GRM5: variants seen among roughly 807,000 people sequenced by gnomAD.
GRM5 encodes the protein metabotropic glutamate receptor 5.
GRM5 carries 19 observed loss-of-function variants against 83.1 expected under a neutral mutation model. The observed-to-expected ratio is 0.23, with a 90% CI of 0.16 to 0.34. The LOEUF (loss-of-function observed/expected upper bound fraction) is 0.34, where lower values mean the gene tolerates loss of function less well. Among genes scored for constraint, GRM5 ranks in the 10% least tolerant of loss-of-function variants. The probability of loss-of-function intolerance (pLI) is 1.00; values close to 1 mark genes in which losing one functional copy is unlikely to be tolerated. For missense variants in GRM5, 1,160 were observed against 1,588.3 expected, an observed-to-expected ratio of 0.73 and a Z score of 4.58; for synonymous variants, 675 against 633.6, an observed-to-expected ratio of 1.07 and a Z score of -0.98.
chr11:88,984,579 C>A (rs1191972227), intron 2 of GRM5: 2 of 449,736 alleles, frequency 4.4e-6, no homozygotes, highest in South Asian at 6.2e-5. Context: ...TTAGCAATAT[C>A]TTTATTATCT....
In GRM5 at chr11:88,509,127, G is replaced by T; in HGVS notation, c.3104C>A (p.Thr1035Lys). 6.5e-7 allele frequency: 1 copy of T among 1,543,448 alleles called. No homozygotes were observed. The highest frequency in any genetic ancestry group is 1.2e-5 in the South Asian group (1 of 83,796). The change falls in exon 10 of 10, where the codon ACG (threonine) becomes AAG (lysine). Residue 1035 changes from threonine to lysine, a missense_variant. Thr to Lys is a moderately conservative substitution (Grantham distance 78). Transcript: ENST00000305447. ...GTGCAGCGACGGCACATCGTCGTCC[G>T]TGCGGCTGGCCGAGCCCGCGCGGTG... is the stretch of plus-strand genomic sequence containing the variant. Reference protein sequence around the residue: ...LSHRAGSASRTDDDVPSLHSE... With the variant: ...LSHRAGSASRKDDDVPSLHSE...
chr11:88,881,975 C>T (rs1208473323), intron 2 of GRM5, among the ~76,000 whole-genome samples: 2 of 152,114 alleles, frequency 1.3e-5, no homozygotes, highest in Non-Finnish European at 2.9e-5. Context: ...GGCACGTTGG[C>T]TCACACCTGT....
At chr11:89,036,184 G>A (rs1294118881) in intron 2 of GRM5, among the ~76,000 whole-genome samples, 1 of 152,034 alleles carries the variant, frequency 6.6e-6, no homozygotes, top group African/African-American at 2.4e-5. Context: ...TCCAGGCCTT[G>A]CTCATCTTAC....
intron 5 of GRM5, among the ~76,000 whole-genome samples, chr11:88,598,691 T>C (rs1937889551): frequency 6.6e-6 from 1 of 152,188 alleles, no homozygotes; most frequent in South Asian, 2.1e-4. Context: ...TGTCATTGGC[T>C]ACTTCAAATA....
intron 8 of GRM5, among the ~76,000 whole-genome samples, chr11:88,562,010 T>C (rs894797824): frequency 2.0e-5 from 3 of 152,150 alleles, no homozygotes; most frequent in Non-Finnish European, 2.9e-5. Context: ...AGATATGAAC[T>C]ACTCTTCAGG....
At position 88,567,059 on chromosome 11, in the gene GRM5, G is replaced by A. The variant is rs776395140; in HGVS notation, c.2624C>T (p.Thr875Ile). Residue 875 changes from threonine (T) to isoleucine (I), a missense_variant, in exon 8 of 10, where the codon ACC (threonine) becomes ATC (isoleucine). Physicochemically the swap from Thr to Ile is moderately conservative, Grantham distance 89 (BLOSUM62 -1). This residue lies in a region of GRM5 where 562 missense variants were observed against 532.4 expected (regional missense o/e 1.06). Coordinates refer to ENST00000305447, the MANE Select transcript of GRM5 (RefSeq NM_001143831.3). The surrounding 1 kb of genome is among the most constrained non-coding windows in gnomAD (Gnocchi z 7.3). ...AAGCCCCCACAACTTTTACCTTAAG[G>A]TTTCCCCAGAGGAGCCCCTTCTCTT... is the stretch of plus-strand genomic sequence containing the variant. The part of the protein sequence containing the change: ...LWKRRGSSGE[T>I]LRYKDRRLAQ... 6.9e-6 allele frequency: 11 copies of A among 1,602,678 alleles called. No individual in the cohort carries two copies. Among genetic ancestry groups the A allele is most frequent in the Non-Finnish European group, 9.4e-6 (11 of 1,172,532 alleles).
intron 3 of GRM5, among the ~76,000 whole-genome samples, chr11:88,724,989 A>C (rs909302256): frequency 6.6e-6 from 1 of 152,138 alleles, no homozygotes; most frequent in African/African-American, 2.4e-5. Flanking sequence ...TTGGGCAGAC[A>C]GTGAGCTAGC....
chr11:88,717,777 C>T (rs139000648), intron 3 of GRM5, among the ~76,000 whole-genome samples: 2,082 of 151,792 alleles, frequency 0.014, 69 homozygotes, highest in Admixed American at 0.078. Flanking sequence ...TACATTGAAA[C>T]ATTCACATTT....
intron 3 of GRM5, among the ~76,000 whole-genome samples, chr11:88,692,214 T>C (rs926925766): frequency 6.6e-6 from 1 of 152,196 alleles, no homozygotes; most frequent in East Asian, 1.9e-4. Context: ...ACTTTATCAC[T>C]AGGTACTATA....
chr11:88,998,715 G>C (rs1940272872), intron 2 of GRM5, among the ~76,000 whole-genome samples: 1 of 152,068 alleles, frequency 6.6e-6, no homozygotes, highest in Non-Finnish European at 1.5e-5. Context: ...TCCTAAAACT[G>C]ACAAGTGAGT....
chr11:88,866,762 T>G lies in GRM5; in HGVS notation c.662-16607A>C, dbSNP rs376678927. On this transcript the variant is annotated intron_variant, in intron 2 of 9. Transcript: ENST00000305447. The stretch of plus-strand genomic sequence containing the variant: ...TTTGTTGCCTTTGCTGTTGGTGCTT[T>G]AGTCATGAAGTCTTTGCCCATGCCT... Among the ~76,000 whole-genome samples the G allele has an allele frequency of 1.1e-3, 167 of 152,290 alleles. 1 individual carries two copies. Among genetic ancestry groups the G allele is most frequent in the African/African-American group, 3.2e-3 (134 of 41,568 alleles).
intron 3 of GRM5, among the ~76,000 whole-genome samples, chr11:88,799,752 C>T (rs1038022341): frequency 1.3e-5 from 2 of 152,138 alleles, no homozygotes; most frequent in Admixed American, 6.5e-5. Flanking sequence ...AGCAGTTCTA[C>T]GATAATAAAA....
intron 9 of GRM5, among the ~76,000 whole-genome samples, chr11:88,513,290 T>C (rs927730711): frequency 2.6e-5 from 4 of 152,196 alleles, no homozygotes; most frequent in African/African-American, 9.7e-5. Flanking sequence ...GTAGTACCCA[T>C]GCATTGTTTA....
At chr11:88,621,657 T>A (rs528780389) in intron 4 of GRM5, among the ~76,000 whole-genome samples, 1 of 152,338 alleles carries the variant, frequency 6.6e-6, no homozygotes, top group East Asian at 1.9e-4. Flanking sequence ...TGAGAATTAC[T>A]GTGCTTATTT....
intron 2 of GRM5, among the ~76,000 whole-genome samples, chr11:88,892,456 G>A (rs1311916155): frequency 6.6e-6 from 1 of 151,954 alleles, no homozygotes; most frequent in African/African-American, 2.4e-5. Context: ...GGCTTGAAGA[G>A]GTATTATCTG....
chr11:88,570,427 G>A (rs1010071563), intron 7 of GRM5, among the ~76,000 whole-genome samples: 3 of 150,190 alleles, frequency 2.0e-5, no homozygotes, highest in East Asian at 1.9e-4. Flanking sequence ...AGTCATCTAC[G>A]TTCCCATGTG....
At chr11:88,611,400 A>G (rs954428542) in intron 4 of GRM5, among the ~76,000 whole-genome samples, 1 of 152,018 alleles carries the variant, frequency 6.6e-6, no homozygotes, top group African/African-American at 2.4e-5. Flanking sequence ...ACAATTTGTT[A>G]TTTATCTGTT....
At chr11:88,887,022 A>G (rs774704025) in intron 2 of GRM5, among the ~76,000 whole-genome samples, 3 of 152,160 alleles carry the variant, frequency 2.0e-5, no homozygotes, top group Non-Finnish European at 4.4e-5. Flanking sequence ...CTTTTCCATG[A>G]GGCACATCGT....
At chr11:89,009,055 T>C (rs1443684169) in intron 2 of GRM5, 2 of 745,022 alleles carry the variant, frequency 2.7e-6, no homozygotes, top group East Asian at 5.0e-5. Flanking sequence ...ATAACATCAA[T>C]GTCTGATCCC....
Sources: gnomAD v4.1 joint callset for allele counts (sites outside exome capture counted in the v4.1 genomes callset) on GRCh38, gnomAD v4.1.1 for gene constraint, gnomAD v4.1.1 regional missense constraint, Gnocchi (gnomAD v3.1) non-coding constraint, MANE v1.5 for transcripts, NCBI Gene and HGNC (gene_info 2026-07-23, HGNC 2026-07-21) for gene names.